REV3L: variants seen among roughly 807,000 people sequenced by gnomAD.
REV3L encodes the protein REV3 like, DNA directed polymerase zeta catalytic subunit, also known as DNA polymerase zeta catalytic subunit.
Under a neutral mutation model 299.4 loss-of-function variants are expected in REV3L, and 69 were observed. That is an observed-to-expected ratio of 0.23 (90% confidence interval 0.19 to 0.28). REV3L has a LOEUF of 0.28. Ranked by LOEUF, REV3L falls within the 10% of genes least tolerant of loss-of-function variation. REV3L has a pLI of 1.00. For synonymous variants in REV3L, 1,238 were observed against 1,271.4 expected (o/e 0.97, Z 0.56); for missense variants, 3,128 against 3,693.8 (o/e 0.85, Z 3.97).
intron 1 of REV3L, among the ~76,000 whole-genome samples, chr6:111,466,428 G>A (rs960683567): frequency 9.2e-5 from 14 of 152,114 alleles, no homozygotes; most frequent in African/African-American, 2.4e-4. Context: ...AAAATGTCAC[G>A]TTTTCTCTAA....
intron 3 of REV3L, among the ~76,000 whole-genome samples, chr6:111,411,279 A>C (rs1053925597): frequency 2.6e-5 from 4 of 152,188 alleles, no homozygotes; most frequent in Admixed American, 6.6e-5. Flanking sequence ...AACAGGAAAG[A>C]AGCAGTTGGG....
chr6:111,422,714 A>C (rs1785717272), intron 1 of REV3L, among the ~76,000 whole-genome samples: 1 of 136,280 alleles, frequency 7.3e-6, no homozygotes, highest in Admixed American at 7.5e-5. Context: ...CCCCCCACTA[A>C]ATATACAACT....
chr6:111,347,784 T>C (rs1218783015), intron 20 of REV3L, among the ~76,000 whole-genome samples: 1 of 152,088 alleles, frequency 6.6e-6, no homozygotes, highest in Non-Finnish European at 1.5e-5. Context: ...CTTTGAGGCA[T>C]AATAAAACAG....
intron 18 of REV3L, chr6:111,353,785 A>G (rs889094517): frequency 4.6e-5 from 7 of 152,232 alleles, no homozygotes; most frequent in Non-Finnish European, 8.8e-5. Context: ...TAGTCTTCCA[A>G]CATAACACCC....
At chr6:111,455,047 G>C (rs1411299946) in intron 1 of REV3L, among the ~76,000 whole-genome samples, 1 of 152,156 alleles carries the variant, frequency 6.6e-6, no homozygotes, top group Non-Finnish European at 1.5e-5. Context: ...CTGCCCTCAT[G>C]AAACGCACAC....
At chr6:111,307,771 C>T in intron 30 of REV3L, 1 of 565,482 alleles carries the variant, frequency 1.8e-6, no homozygotes, top group Non-Finnish European at 3.1e-6. Context: ...CTTCATGGAA[C>T]TTACATCTTA....
At chr6:111,414,787 C>T (rs1448078026) in intron 2 of REV3L, among the ~76,000 whole-genome samples, 3 of 152,138 alleles carry the variant, frequency 2.0e-5, no homozygotes, top group Admixed American at 2.0e-4. Context: ...CTCTCACAAT[C>T]CTTACCCAAA....
chr6:111,400,436 T>C (rs572821367), intron 4 of REV3L, among the ~76,000 whole-genome samples: 35 of 152,334 alleles, frequency 2.3e-4, no homozygotes, highest in African/African-American at 7.0e-4. Context: ...AATAGGTATA[T>C]AGTGGTAGCC....
chr6:111,347,040 T>A (rs888961284), intron 20 of REV3L, among the ~76,000 whole-genome samples: 1 of 151,998 alleles, frequency 6.6e-6, no homozygotes, highest in Non-Finnish European at 1.5e-5. Context: ...GAGGCCGAGG[T>A]GGGCAGACCA....
intron 24 of REV3L, 109 bp from the exon 25 acceptor site, chr6:111,329,847 G>A (rs1392567605): frequency 1.3e-6 from 1 of 782,346 alleles, no homozygotes; most frequent in Admixed American, 2.2e-5. Context: ...ATTGAAACAT[G>A]CTAACAACAG....
chr6:111,354,995 G>A lies in REV3L; in HGVS notation c.7184+2019C>T, dbSNP rs186614805. Among the ~76,000 whole-genome samples, 5 of 152,202 alleles carry A rather than the reference G, an allele frequency of 3.3e-5. No homozygotes were observed. In the East Asian group the frequency reaches 9.6e-4, roughly 29 times the overall value. ...TAAATGGATATGATGTAATATAAAT[G>A]TAATAGCATTTAGGGAAGAGGAAAA... is the stretch of plus-strand genomic sequence containing the variant. On this transcript the variant is annotated intron_variant, in intron 18 of 31. Coordinates refer to ENST00000368802, the MANE Select transcript of REV3L (RefSeq NM_001372078.1).
intron 2 of REV3L, among the ~76,000 whole-genome samples, chr6:111,414,735 T>C (rs978998345): frequency 2.0e-5 from 3 of 152,120 alleles, no homozygotes; most frequent in Non-Finnish European, 2.9e-5. Context: ...TCCGTCTTCC[T>C]AGCAGAACAC....
chr6:111,482,935 G>A lies in REV3L; in HGVS notation c.-47C>T, dbSNP rs1382787818. 2.8e-5 allele frequency: 42 copies of A among 1,479,392 alleles called. No individual in the cohort carries two copies. Among genetic ancestry groups the A allele is most frequent in the Non-Finnish European group, 3.6e-5 (41 of 1,124,976 alleles). 91.6% of individuals were successfully genotyped at this position (1,479,392 alleles called of 1,614,324 possible). A position where few individuals can be genotyped will look rare whatever the true frequency, so the allele number is the denominator to read the frequency against. ...CTCCCTTCACTGGCGACCCGGCAGC[G>A]GCAGCAGCAGCGGCGGCGGCTCCCT... On this transcript the variant is annotated 5_prime_UTR_variant, in exon 1 of 32. Transcript: ENST00000368802.
At chr6:111,335,354 G>T in intron 22 of REV3L, 115 bp downstream of exon 22, 1 of 1,115,294 alleles carries the variant, frequency 9.0e-7, no homozygotes, top group Non-Finnish European at 1.2e-6. Context: ...TAATTACCCA[G>T]CTATTGATTA....
intron 20 of REV3L, among the ~76,000 whole-genome samples, chr6:111,344,663 A>G (rs1191765035): frequency 1.3e-5 from 2 of 152,196 alleles, no homozygotes; most frequent in African/African-American, 4.8e-5. Flanking sequence ...ATAAATATGT[A>G]CTTCCAGCTA....
intron 26 of REV3L, 40 bp from the exon 27 acceptor site, chr6:111,315,421 A>G (rs527400209): frequency 2.6e-6 from 4 of 1,523,732 alleles, no homozygotes; most frequent in African/African-American, 2.8e-5. Flanking sequence ...TGAGGAAGTC[A>G]TTATAACAAA....
intron 3 of REV3L, among the ~76,000 whole-genome samples, chr6:111,410,295 C>G (rs1784112372): frequency 6.6e-6 from 1 of 152,082 alleles, no homozygotes; most frequent in Admixed American, 6.5e-5. Flanking sequence ...GATAAGCTGA[C>G]TATATAATTT....
At chr6:111,437,522 A>G (rs1054371694) in intron 1 of REV3L, among the ~76,000 whole-genome samples, 16 of 151,362 alleles carry the variant, frequency 1.1e-4, no homozygotes, top group African/African-American at 2.9e-4. Flanking sequence ...ACAATTTTTA[A>G]TTAAAATATT....
At position 111,421,465 on chromosome 6, in the gene REV3L, T is replaced by C. The variant is rs142699969; in HGVS notation, c.140-4993A>G. Among the ~76,000 whole-genome samples the C allele has an allele frequency of 2.6e-5, 4 of 152,302 alleles. No homozygotes were observed. The East Asian group carries it at 5.8e-4, about 22-fold the overall frequency. ...GTAGCCTGGAAGCAGCTGTATGCAA[T>C]ACTTAAGTGAACGGGCATGACCGTG... is the stretch of plus-strand genomic sequence containing the variant. On this transcript the variant is annotated intron_variant, in intron 1 of 31. Transcript: ENST00000368802.
Sources: allele counts gnomAD v4.1 joint callset (sites outside exome capture counted in the v4.1 genomes callset), GRCh38; gene constraint gnomAD v4.1.1; transcripts MANE v1.5; gene names NCBI Gene and HGNC (gene_info 2026-07-23, HGNC 2026-07-21).